MCPH1: variants seen among roughly 807,000 people sequenced by gnomAD.
MCPH1 encodes the protein microcephalin.
A neutral mutation model predicts 84.5 loss-of-function variants in MCPH1; 104 were observed. That is an observed-to-expected ratio of 1.23 (90% CI 1.05 to 1.45). The LOEUF (loss-of-function observed/expected upper bound fraction) is 1.45, where lower values mean the gene tolerates loss of function less well. Ranked by LOEUF, MCPH1 falls within the 40% of genes most tolerant of loss-of-function variation. The pLI, the probability that MCPH1 is intolerant of heterozygous loss-of-function variation, is 0.00. For synonymous variants in MCPH1, 514 were observed against 366.8 expected, an observed-to-expected ratio of 1.40 and a Z score of -4.58; for missense variants, 1,498 against 1,005.7, an observed-to-expected ratio of 1.49 and a Z score of -6.62.
intron 13 of MCPH1, among the ~76,000 whole-genome samples, chr8:6,638,493 A>G (rs1797712955): frequency 1.3e-5 from 2 of 151,996 alleles, no homozygotes; most frequent in South Asian, 4.2e-4. Flanking sequence ...TATCCTAACC[A>G]TAAGACCACA....
At chr8:6,408,344 C>A (rs1011175596) in intron 1 of MCPH1, among the ~76,000 whole-genome samples, 2 of 151,726 alleles carry the variant, frequency 1.3e-5, no homozygotes, top group Non-Finnish European at 2.9e-5. Context: ...TAACTTGGGA[C>A]TACAGGCACT....
At chr8:6,516,286 G>A (rs904380561) in intron 12 of MCPH1, among the ~76,000 whole-genome samples, 5 of 152,234 alleles carry the variant, frequency 3.3e-5, no homozygotes, top group African/African-American at 4.8e-5. Context: ...CAGATACTTT[G>A]TGTATATTAT....
intron 3 of MCPH1, among the ~76,000 whole-genome samples, chr8:6,425,966 T>TA (rs1800999077): frequency 6.6e-6 from 1 of 152,188 alleles, no homozygotes; most frequent in Non-Finnish European, 1.5e-5. Context: ...TTAGGCATAA[T>TA]AGTGGTAAAT....
rs370509915 is a variant in MCPH1, at chr8:6,466,841, G to T, written c.1936-10753G>T. Among the ~76,000 whole-genome samples, 481 of 152,324 alleles carry T rather than the reference G, an allele frequency of 3.2e-3. 7 individuals are homozygous for T. Among genetic ancestry groups the T allele is most frequent in the African/African-American group, 0.011 (446 of 41,578 alleles). ...TCCGCCCACCTTGGCCTTCCAAAGT[G>T]CTGGGATTACAGGGTTGAGCCAACG... On this transcript the variant is annotated intron_variant, in intron 9 of 13. Coordinates refer to ENST00000344683, the MANE Select transcript of MCPH1 (RefSeq NM_024596.5).
At chr8:6,611,940 C>T (rs568803310) in intron 12 of MCPH1, among the ~76,000 whole-genome samples, 2 of 152,272 alleles carry the variant, frequency 1.3e-5, no homozygotes, top group East Asian at 3.9e-4. Flanking sequence ...TTTTAAGGAG[C>T]TTCATTACAT....
intron 12 of MCPH1, among the ~76,000 whole-genome samples, chr8:6,597,923 CTTG>C (rs1376621721): frequency 4.6e-5 from 7 of 152,230 alleles, no homozygotes; most frequent in Non-Finnish European, 1.0e-4. Context: ...CAGAACCCTG[CTTG>C]TTGGTCTTTC....
In MCPH1 at chr8:6,647,058, A is replaced by G. The variant is rs1373708549; in HGVS notation, c.*4009A>G. 6.6e-6 allele frequency: 1 copy of G among 152,230 alleles called. No individual in the cohort carries two copies. The highest frequency in any genetic ancestry group is 1.5e-5 in the Non-Finnish European group (1 of 68,044). 9.4% of individuals were successfully genotyped at this position (152,230 alleles called of 1,614,324 possible). A position where few individuals can be genotyped will look rare whatever the true frequency, so the allele number is the denominator to read the frequency against. On this transcript the variant is annotated 3_prime_UTR_variant, in exon 14 of 14. Transcript: ENST00000344683. ...AAAATACTTGCAAATCATATATCTG[A>G]TAAAGGACTTGTACCCAGACCATGT...
intron 12 of MCPH1, among the ~76,000 whole-genome samples, chr8:6,518,727 G>T (rs1261696255): frequency 1.3e-5 from 2 of 152,102 alleles, no homozygotes; most frequent in Admixed American, 6.5e-5. Flanking sequence ...TGTATTCTCT[G>T]TAGTTATTTG....
At chr8:6,564,432 A>C (rs1825966819) in intron 12 of MCPH1, among the ~76,000 whole-genome samples, 1 of 152,170 alleles carries the variant, frequency 6.6e-6, no homozygotes, top group Non-Finnish European at 1.5e-5. Context: ...CAAGGGGTGC[A>C]CTCACAAGAT....
intron 12 of MCPH1, among the ~76,000 whole-genome samples, chr8:6,542,633 C>G (rs1262764413): frequency 6.6e-6 from 1 of 151,428 alleles, no homozygotes; most frequent in Admixed American, 6.6e-5. Context: ...GGAGCATTAA[C>G]ATTCTTACTT....
chr8:6,431,350 G>T, intron 3 of MCPH1, 149 bp from the exon 4 acceptor site: 3 of 628,264 alleles, frequency 4.8e-6, no homozygotes, highest in Non-Finnish European at 2.8e-6. Flanking sequence ...ACTGACTTTT[G>T]TATTTGCAGT....
At chr8:6,508,586 T>G (rs892850613) in intron 12 of MCPH1, 32 of 441,358 alleles carry the variant, frequency 7.3e-5, no homozygotes, top group Non-Finnish European at 1.2e-4. Flanking sequence ...CTTGGAATTT[T>G]TAACTTTTTA....
Position 6,489,450 on chromosome 8 carries a change from A to G in MCPH1, c.2136+8574A>G, listed in dbSNP as rs557763849. On this transcript the variant is annotated intron_variant, in intron 11 of 13. Coordinates refer to ENST00000344683, the MANE Select transcript of MCPH1 (RefSeq NM_024596.5). ...TGTGCTGAGTGCTGCTGGAAGGTGA[A>G]TAAGAGGAGACAGAAGCCACTGTTT... 1.2e-4 allele frequency among the ~76,000 whole-genome samples: 19 copies of G among 152,272 alleles called. No individual in the cohort carries two copies. The East Asian group carries it at 2.3e-3, about 19-fold the overall frequency.
chr8:6,434,046 C>A, intron 4 of MCPH1, among the ~76,000 whole-genome samples: 1 of 151,972 alleles, frequency 6.6e-6, no homozygotes, highest in East Asian at 1.9e-4. Context: ...GCAGATGTTA[C>A]TTTCTCTGTG....
chr8:6,468,646 G>GTTT (rs57281899), intron 9 of MCPH1, among the ~76,000 whole-genome samples: 11 of 132,888 alleles, frequency 8.3e-5, no homozygotes, highest in African/African-American at 2.1e-4. Context: ...CATTTTTTTG[G>GTTT]TTTTTTTTTT....
chr8:6,548,709 G>C (rs1040075379), intron 12 of MCPH1, among the ~76,000 whole-genome samples: 1 of 152,202 alleles, frequency 6.6e-6, no homozygotes. Context: ...ACAGAAGCAA[G>C]CTCCCATTGG....
intron 10 of MCPH1, among the ~76,000 whole-genome samples, chr8:6,479,842 T>C (rs1359295380): frequency 6.6e-6 from 1 of 152,184 alleles, no homozygotes; most frequent in East Asian, 1.9e-4. Flanking sequence ...ATTAAGGGAA[T>C]GACAGAGCAG....
intron 3 of MCPH1, among the ~76,000 whole-genome samples, chr8:6,427,317 T>C (rs1487864690): frequency 2.6e-5 from 4 of 152,222 alleles, no homozygotes; most frequent in African/African-American, 9.6e-5. Context: ...TTTATACACG[T>C]CATACAGTTA....
chr8:6,591,456 T>C (rs1665689596), intron 12 of MCPH1, among the ~76,000 whole-genome samples: 1 of 151,890 alleles, frequency 6.6e-6, no homozygotes, highest in Admixed American at 6.5e-5. Flanking sequence ...AATGTTCCCA[T>C]GGAAATCACC....
Sources: gnomAD v4.1 joint callset for allele counts (sites outside exome capture counted in the v4.1 genomes callset) on GRCh38, gnomAD v4.1.1 for gene constraint, MANE v1.5 for transcripts, NCBI Gene and HGNC (gene_info 2026-07-23, HGNC 2026-07-21) for gene names.